The following CCDC102B variants were observed in gnomAD, a reference collection of about 807,000 sequenced individuals.
The protein encoded by CCDC102B is coiled-coil domain containing 102B.
A neutral mutation model predicts 57.4 loss-of-function variants in CCDC102B; 75 were observed. That is an observed-to-expected ratio of 1.31 (90% CI 1.08 to 1.58). The LOEUF (loss-of-function observed/expected upper bound fraction) is 1.58. Ranked by LOEUF, CCDC102B falls within the 40% of genes most tolerant of loss-of-function variation. The pLI, the probability that CCDC102B is intolerant of heterozygous loss-of-function variation, is 0.00. For missense variants in CCDC102B, 636 were observed against 582.6 expected, an observed-to-expected ratio of 1.09 and a Z score of -0.94; for synonymous variants, 206 against 201.9, an observed-to-expected ratio of 1.02 and a Z score of -0.17.
At chr18:68,971,166 C>T (rs568321408) in intron 6 of CCDC102B, among the ~76,000 whole-genome samples, 1 of 152,004 alleles carries the variant, frequency 6.6e-6, no homozygotes, top group East Asian at 1.9e-4. Flanking sequence ...TTCATTTTGA[C>T]TAGCTCTATT....
chr18:68,978,151 G>A (rs958515729), intron 6 of CCDC102B, among the ~76,000 whole-genome samples: 6 of 151,950 alleles, frequency 3.9e-5, no homozygotes, highest in African/African-American at 1.4e-4. Flanking sequence ...TATTCTTCTC[G>A]AGTGAGCCCT....
chr18:68,765,981 C>T (rs907763502), intron 2 of CCDC102B, among the ~76,000 whole-genome samples: 1 of 152,054 alleles, frequency 6.6e-6, no homozygotes, highest in South Asian at 2.1e-4. Flanking sequence ...TTAGGAAAGA[C>T]TGAAAATCCA....
At chr18:68,798,358 C>A (rs72958043) in intron 1 of CCDC102B, 177 bp downstream of exon 1, 4 of 151,996 alleles carry the variant, frequency 2.6e-5, no homozygotes, top group African/African-American at 9.7e-5. Context: ...TCCTTCCTTT[C>A]CCCTTTCATT....
intron 6 of CCDC102B, among the ~76,000 whole-genome samples, chr18:68,948,024 C>T (rs1232753169): frequency 6.6e-6 from 1 of 152,032 alleles, no homozygotes; most frequent in Non-Finnish European, 1.5e-5. Flanking sequence ...TTATATTGTG[C>T]ATCATCATTA....
chr18:69,005,863 A>G (rs2051327108), intron 6 of CCDC102B, among the ~76,000 whole-genome samples: 1 of 151,640 alleles, frequency 6.6e-6, no homozygotes, highest in African/African-American at 2.4e-5. Context: ...TCAAGATCTG[A>G]AATCATGGAA....
At chr18:68,840,742 A>G (rs1364871719) in intron 3 of CCDC102B, among the ~76,000 whole-genome samples, 1 of 152,194 alleles carries the variant, frequency 6.6e-6, no homozygotes, top group Non-Finnish European at 1.5e-5. Flanking sequence ...GTCTAATAGG[A>G]GCAATGCAGA....
At chr18:68,921,585 C>G (rs764958395) in intron 6 of CCDC102B, among the ~76,000 whole-genome samples, 2 of 152,246 alleles carry the variant, frequency 1.3e-5, no homozygotes, top group South Asian at 2.1e-4. Flanking sequence ...TTAAGGCAAT[C>G]GAGTTGGCAG....
At chr18:68,897,725 T>C (rs189329627) in intron 6 of CCDC102B, 9 of 953,408 alleles carry the variant, frequency 9.4e-6, no homozygotes, top group South Asian at 8.9e-5. Flanking sequence ...TTATTAAAGC[T>C]TTGTCTCAGT....
At chr18:68,950,345 G>A (rs1382295254) in intron 6 of CCDC102B, among the ~76,000 whole-genome samples, 1 of 151,960 alleles carries the variant, frequency 6.6e-6, no homozygotes, top group East Asian at 1.9e-4. Flanking sequence ...CAATATTTGG[G>A]CATTTGTATA....
At chr18:68,934,773 G>A (rs1389884163) in intron 6 of CCDC102B, among the ~76,000 whole-genome samples, 2 of 151,658 alleles carry the variant, frequency 1.3e-5, no homozygotes, top group Non-Finnish European at 2.9e-5. Flanking sequence ...TGATTGTGAT[G>A]TTTATGTAAA....
chr18:68,999,922 G>T (rs1047745396), intron 6 of CCDC102B, among the ~76,000 whole-genome samples: 1 of 152,096 alleles, frequency 6.6e-6, no homozygotes. Flanking sequence ...AATGACTATA[G>T]CAGGTAGACT....
chr18:68,993,726 T>C (rs1250344669), intron 6 of CCDC102B, among the ~76,000 whole-genome samples: 1 of 152,224 alleles, frequency 6.6e-6, no homozygotes, highest in Non-Finnish European at 1.5e-5. Flanking sequence ...TCTCCCTTGA[T>C]GGATGTACAT....
chr18:68,808,139 C>G (rs2036099587), intron 1 of CCDC102B, among the ~76,000 whole-genome samples: 1 of 152,146 alleles, frequency 6.6e-6, no homozygotes, highest in East Asian at 1.9e-4. Context: ...AAGTAGCTTA[C>G]ATATTGCACA....
intron 1 of CCDC102B, among the ~76,000 whole-genome samples, chr18:68,716,070 C>T (rs754083643): frequency 1.6e-4 from 24 of 152,132 alleles, no homozygotes; most frequent in Non-Finnish European, 2.5e-4. Context: ...GTATCCAGCG[C>T]AAGCCCTCTA....
chr18:68,968,339 C>T (rs1050413333), intron 6 of CCDC102B, among the ~76,000 whole-genome samples: 49 of 152,204 alleles, frequency 3.2e-4, no homozygotes, highest in African/African-American at 1.0e-3. Flanking sequence ...CTCTGAAATC[C>T]CCTTATAGTT....
intron 7 of CCDC102B, among the ~76,000 whole-genome samples, chr18:69,013,118 C>G (rs1265913272): frequency 6.6e-6 from 1 of 152,080 alleles, no homozygotes; most frequent in Non-Finnish European, 1.5e-5. Context: ...TAGAATCAAC[C>G]TCAATGGATT....
intron 1 of CCDC102B, among the ~76,000 whole-genome samples, chr18:68,835,194 A>G (rs2037314029): frequency 6.6e-6 from 1 of 152,074 alleles, no homozygotes; most frequent in African/African-American, 2.4e-5. Flanking sequence ...TTACAAATTA[A>G]TTTGTGTGTT....
chr18:69,038,205 C>T (rs898013364), intron 7 of CCDC102B, among the ~76,000 whole-genome samples: 2 of 151,648 alleles, frequency 1.3e-5, no homozygotes, highest in African/African-American at 2.4e-5. Context: ...CATAAAATGG[C>T]GCCATGAAAT....
At chr18:68,841,595 A>G (rs1318241953) in intron 3 of CCDC102B, among the ~76,000 whole-genome samples, 1 of 152,202 alleles carries the variant, frequency 6.6e-6, no homozygotes, top group Admixed American at 6.5e-5. Flanking sequence ...GAGATAAAAT[A>G]ATTTGAACTG....
Sources: gnomAD v4.1 joint callset for allele counts (sites outside exome capture counted in the v4.1 genomes callset) on GRCh38, gnomAD v4.1.1 for gene constraint, MANE v1.5 for transcripts, NCBI Gene and HGNC (gene_info 2026-07-23, HGNC 2026-07-21) for gene names.